G3BP2: variants seen among roughly 807,000 people sequenced by gnomAD.
G3BP2 encodes ras GTPase-activating protein-binding protein 2.
A neutral mutation model predicts 56.7 loss-of-function variants in G3BP2; 11 were observed. That is an observed-to-expected ratio of 0.19 (90% CI 0.12 to 0.32). The LOEUF is 0.32. G3BP2 is among the 10% of genes least tolerant of loss of function. The probability of loss-of-function intolerance (pLI) is 1.00; values close to 1 mark genes in which losing one functional copy is unlikely to be tolerated. For synonymous variants in G3BP2, 165 were observed against 191.6 expected (o/e 0.86, Z 1.15); for missense variants, 340 against 610.9 (o/e 0.56, Z 4.67).
At chr4:75,722,280 AT>A (rs2149126250) in intron 1 of G3BP2, among the ~76,000 whole-genome samples, 1 of 152,212 alleles carries the variant, frequency 6.6e-6, no homozygotes, top group East Asian at 1.9e-4. Flanking sequence ...TGCAGGGAAA[AT>A]TCATAGTAAG....
chr4:75,673,439 T>C (rs1012991169), upstream of G3BP2: 11 of 1,218,036 alleles, frequency 9.0e-6, no homozygotes, highest in Middle Eastern at 3.1e-4. Flanking sequence ...CCGCCCCCTC[T>C]TATTGTTTTA....
chr4:75,646,415 C>T lies in G3BP2; in HGVS notation c.1099G>A (p.Val367Ile), dbSNP rs1731209960. Residue 367 changes from valine (V) to isoleucine (I), a missense_variant, in exon 11 of 12, where the codon GTT becomes ATT. Val to Ile is a conservative substitution (Grantham distance 29). Around this residue, in one of 4 missense-constraint regions of G3BP2, gnomAD observed 94 missense variants for 173.8 expected, o/e 0.54. Transcript: ENST00000359707. ...CCAAAATTTGGAAGCTTTCCCCCAACACCCTTGGTATTGATGCGAAGTTCC... is the reference window on the plus strand; with the variant it reads ...CCAAAATTTGGAAGCTTTCCCCCAATACCCTTGGTATTGATGCGAAGTTCC... ...VVELRINTKG[V>I]GGKLPNFGFV... The T allele has an allele frequency of 1.2e-6, 2 of 1,609,336 alleles. No homozygotes were observed. The highest frequency in any genetic ancestry group is 3.4e-5 in the Admixed American group (2 of 59,040).
chr4:75,670,707 G>A (rs957381539), intron 1 of G3BP2, among the ~76,000 whole-genome samples: 6 of 152,248 alleles, frequency 3.9e-5, no homozygotes, highest in African/African-American at 1.4e-4. Context: ...TTCATTTACA[G>A]AAAAGGATGT....
intron 1 of G3BP2, chr4:75,672,439 C>G (rs1391025303): frequency 2.6e-5 from 4 of 152,182 alleles, no homozygotes; most frequent in African/African-American, 4.8e-5. Flanking sequence ...ACCCATCCCC[C>G]AAAAGCCATT....
intron 1 of G3BP2, among the ~76,000 whole-genome samples, chr4:75,663,371 G>T (rs577594113): frequency 8.7e-6 from 1 of 115,520 alleles, no homozygotes; most frequent in African/African-American, 3.2e-5. Context: ...AGGCTCAAGC[G>T]ATCCTCCCCG....
At chr4:75,706,860 T>C (rs940072680) in intron 3 of G3BP2, among the ~76,000 whole-genome samples, 2 of 152,082 alleles carry the variant, frequency 1.3e-5, no homozygotes, top group African/African-American at 4.8e-5. Flanking sequence ...AGGACTATTA[T>C]GCATAGCAAG....
intron 3 of G3BP2, among the ~76,000 whole-genome samples, chr4:75,713,393 C>A (rs1377509385): frequency 6.6e-6 from 1 of 152,128 alleles, no homozygotes; most frequent in Non-Finnish European, 1.5e-5. Flanking sequence ...AGTATTAAAG[C>A]ATGTTCCCAA....
At chr4:75,674,718 A>ATATATATATATATATATATATTTTTTT (rs1241041465), upstream of G3BP2, among the ~76,000 whole-genome samples, 1 of 71,432 alleles carries the variant, frequency 1.4e-5, no homozygotes, top group African/African-American at 5.9e-5. Context: ...ATATATATAT[A>ATATATATATATATATATATATTTTTTT]TTTTTTTTTT....
rs538401532 is a variant in G3BP2 at position 75,646,969 on chromosome 4, T to C, written c.1057+60A>G. On this transcript the variant is annotated intron_variant, in intron 10 of 11. Transcript: ENST00000359707. ...AAAAATAGTTATTAAAAAAGCTCCA[T>C]ATGCCTCTTGCTTAATTTAAAATAA... The C allele has an allele frequency of 4.8e-4, 517 of 1,068,880 alleles. 4 individuals carry two copies. In the South Asian group the frequency reaches 7.7e-3, roughly 16 times the overall value. The allele number at this position is 1,068,880 out of a possible 1,614,324, so 66.2% of individuals were successfully genotyped here. A position where few individuals can be genotyped will look rare whatever the true frequency, so the allele number is the denominator to read the frequency against.
intron 3 of G3BP2, among the ~76,000 whole-genome samples, chr4:75,701,469 C>T (rs1441566009): frequency 1.3e-5 from 2 of 151,292 alleles, no homozygotes; most frequent in Non-Finnish European, 2.9e-5. Flanking sequence ...CTCTTGTTGC[C>T]CAGACTGGAG....
chr4:75,720,021 C>CTTTTTTT, intron 3 of G3BP2, among the ~76,000 whole-genome samples: 1 of 19,600 alleles, frequency 5.1e-5, no homozygotes, highest in South Asian at 1.9e-3. Context: ...GGCCCAGAAC[C>CTTTTTTT]CTTTTTTTTT....
chr4:75,659,450 G>T (rs553424800), intron 2 of G3BP2, among the ~76,000 whole-genome samples: 11 of 152,020 alleles, frequency 7.2e-5, no homozygotes, highest in African/African-American at 7.2e-5. Flanking sequence ...CCAAAATTAC[G>T]CCAGCATCTA....
intron 5 of G3BP2, 39 bp from the exon 6 acceptor site, chr4:75,655,909 C>A: frequency 9.7e-7 from 1 of 1,033,502 alleles, no homozygotes; most frequent in Non-Finnish European, 1.5e-6. Context: ...TTTAAAGAGG[C>A]TTCACAATTT....
rs565690797 is a variant in G3BP2 at position 75,707,439 on chromosome 4, C to A, written c.-25+13438G>T. 1.1e-4 allele frequency among the ~76,000 whole-genome samples: 17 copies of A among 151,868 alleles called. No homozygotes were observed. In the South Asian group the frequency reaches 3.3e-3, roughly 30 times the overall value. On this transcript the variant is annotated intron_variant, in intron 3 of 3. Transcript: ENST00000499709. ...GATCAAGGCCACGGTGAAACCCCGT[C>A]TCTACTAAAAATACAAAAAATTAGC...
chr4:75,704,913 G>A (rs1187368178), intron 3 of G3BP2, among the ~76,000 whole-genome samples: 6 of 152,192 alleles, frequency 3.9e-5, no homozygotes, highest in South Asian at 4.1e-4. Context: ...GATTACAGGC[G>A]TGAACCACCA....
At chr4:75,649,872 G>A (rs1042852229) in intron 8 of G3BP2, among the ~76,000 whole-genome samples, 1 of 152,066 alleles carries the variant, frequency 6.6e-6, no homozygotes, top group African/African-American at 2.4e-5. Context: ...TTAGCTGGGT[G>A]TGGTGGCAGG....
At chr4:75,661,293 A>G (rs1732531271) in intron 2 of G3BP2, among the ~76,000 whole-genome samples, 1 of 151,938 alleles carries the variant, frequency 6.6e-6, no homozygotes, top group African/African-American at 2.4e-5. Context: ...ACACCCGGCT[A>G]ATTTTTGTAT....
At chr4:75,721,959 G>C (rs1720194582) in intron 2 of G3BP2, among the ~76,000 whole-genome samples, 1 of 152,064 alleles carries the variant, frequency 6.6e-6, no homozygotes, top group Non-Finnish European at 1.5e-5. Context: ...GTGCAAGTCA[G>C]GCCGTCACAA....
intron 3 of G3BP2, among the ~76,000 whole-genome samples, chr4:75,713,557 G>A (rs1238324638): frequency 6.6e-6 from 1 of 152,174 alleles, no homozygotes; most frequent in Admixed American, 6.5e-5. Context: ...CCAAGGTGGA[G>A]GATTGCTTTA....
Sources: gnomAD v4.1 joint callset for allele counts (sites outside exome capture counted in the v4.1 genomes callset) on GRCh38, gnomAD v4.1.1 for gene constraint, gnomAD v4.1.1 regional missense constraint, MANE v1.5 for transcripts, NCBI Gene and HGNC (gene_info 2026-07-23, HGNC 2026-07-21) for gene names.